WARS1: variants seen among roughly 807,000 people sequenced by gnomAD.
WARS1 encodes the protein tryptophan--tRNA ligase, cytoplasmic.
A neutral mutation model predicts 47.8 loss-of-function variants in WARS1; 17 were observed. That is an observed-to-expected ratio of 0.36 (90% CI 0.24 to 0.53). The LOEUF is 0.53. Among genes scored for constraint, WARS1 ranks in the 20% least tolerant of loss-of-function variants. The pLI is 0.91. For synonymous variants in WARS1, 208 were observed against 228.1 expected, an observed-to-expected ratio of 0.91 and a Z score of 0.79; for missense variants, 434 against 608.0, an observed-to-expected ratio of 0.71 and a Z score of 3.01.
At chr14:100,352,198 G>A (rs1489123770) in intron 6 of WARS1, among the ~76,000 whole-genome samples, 2 of 125,612 alleles carry the variant, frequency 1.6e-5, no homozygotes, top group African/African-American at 3.0e-5. Flanking sequence ...TGCAACCTCC[G>A]CCTCCCAGGT....
intron 7 of WARS1, among the ~76,000 whole-genome samples, chr14:100,344,746 G>A (rs1214865825): frequency 6.6e-6 from 1 of 151,740 alleles, no homozygotes; most frequent in Non-Finnish European, 1.5e-5. Context: ...CCCCGTCTGG[G>A]ATGTGAGGAG....
Position 100,334,712 on chromosome 14 carries a change from T to G in WARS1, c.*163A>C, listed in dbSNP as rs2139862430. On this transcript the variant is annotated 3_prime_UTR_variant, in exon 11 of 11. Coordinates refer to ENST00000392882, the MANE Select transcript of WARS1 (RefSeq NM_004184.4). ...CCATAAGAGATAGAAATAATGGAAC[T>G]CACAGGAAGAAACAGTATTGATAAC... is the stretch of plus-strand genomic sequence containing the variant. 2 of 722,148 alleles carry G rather than the reference T, an allele frequency of 2.8e-6. No homozygotes were observed. The highest frequency in any genetic ancestry group is 4.4e-6 in the Non-Finnish European group (2 of 456,496). 44.7% of individuals were successfully genotyped at this position (722,148 alleles called of 1,614,324 possible).
At chr14:100,375,363 A>T (rs7143006), upstream of WARS1, 30,424 of 152,186 alleles carry the variant, frequency 0.2, 3,209 homozygotes, top group Non-Finnish European at 0.22. Context: ...GCCCAGCCAG[A>T]AATGGTCTTT....
chr14:100,361,734 T>C lies in WARS1; in HGVS notation c.287A>G (p.Lys96Arg). Reference protein sequence around the residue: ...DPWTVQTSSAKGIDYDKLIVR... With the variant: ...DPWTVQTSSARGIDYDKLIVR... ...AATGAGCTTATCGTAGTCTATGCCTTTTGCACTGCTTGTCTGTACTGTCCA... is the reference window on the plus strand; with the variant it reads ...AATGAGCTTATCGTAGTCTATGCCTCTTGCACTGCTTGTCTGTACTGTCCA... Residue 96 changes from lysine to arginine, a missense_variant, in exon 3 of 11, where the codon AAA (lysine) becomes AGA (arginine). This residue lies in a region of WARS1 where 347 missense variants were observed against 523.8 expected (regional missense o/e 0.66). Coordinates refer to ENST00000392882, the MANE Select transcript of WARS1 (RefSeq NM_004184.4). 1 of 1,614,126 alleles carries C rather than the reference T, an allele frequency of 6.2e-7. No individual in the cohort carries two copies. Among genetic ancestry groups the C allele is most frequent in the Non-Finnish European group, 8.5e-7 (1 of 1,180,034 alleles).
Position 100,375,330 on chromosome 14 carries a change from AG to A in WARS1, c.-122del, listed in dbSNP as rs1896592837. Reference sequence around the variant, plus strand: ...GAGGTGGCCACTGGTCACGCTGGGCAGTTGAGCTGCTGAGAGTGCCCTGCCC... The same window carrying A: ...GAGGTGGCCACTGGTCACGCTGGGCATTGAGCTGCTGAGAGTGCCCTGCCC... On this transcript the variant is annotated 5_prime_UTR_variant, in exon 1 of 11. In the 5' UTR this introduces an upstream ATG that the reference lacks. Transcript: ENST00000392882. 1 of 152,276 alleles carries A rather than the reference AG, an allele frequency of 6.6e-6. No individual in the cohort carries two copies. Among genetic ancestry groups the A allele is most frequent in the Admixed American group, 6.5e-5 (1 of 15,292 alleles). 9.4% of individuals were successfully genotyped at this position (152,276 alleles called of 1,614,324 possible).
chr14:100,345,870 G>A (rs1279368814), intron 7 of WARS1, among the ~76,000 whole-genome samples: 2 of 152,252 alleles, frequency 1.3e-5, no homozygotes, highest in Non-Finnish European at 2.9e-5. Context: ...CCTTGGGTGA[G>A]CGCAGAGGTT....
chr14:100,361,786 C>G lies in WARS1; in HGVS notation c.235G>C (p.Glu79Gln), dbSNP rs1184798113. Residue 79 changes from glutamate (E) to glutamine (Q), a missense_variant, in exon 3 of 11, where the codon GAA (glutamate) becomes CAA (glutamine). By Grantham distance (29) the Glu-to-Gln change is conservative. This residue lies in a region of WARS1 where 347 missense variants were observed against 523.8 expected (regional missense o/e 0.66). Transcript: ENST00000392882. Reference sequence around the variant, plus strand: ...GGGTCCACAAAATCCTCTTCAGCTTCTGTGGCATCTGGGCCATGATTACTG... The same window carrying G: ...GGGTCCACAAAATCCTCTTCAGCTTGTGTGGCATCTGGGCCATGATTACTG... ...PTSNHGPDATEAEEDFVDPWT... is the reference protein window; with the variant it reads ...PTSNHGPDATQAEEDFVDPWT... 3 of 1,614,076 alleles carry G rather than the reference C, an allele frequency of 1.9e-6. No individual in the cohort carries two copies. The highest frequency in any genetic ancestry group is 2.5e-6 in the Non-Finnish European group (3 of 1,180,050).
chr14:100,346,740 T>C lies in WARS1; in HGVS notation c.826+6A>G, dbSNP rs941923. On this transcript the variant is annotated splice_donor_region_variant and intron_variant, in intron 7 of 10. Transcript: ENST00000392882. ...GAGTGGTCCACAGCAGCAGTGGGCC[T>C]CTTACCAATGCAGTCGCTGTCAGTG... The C allele has an allele frequency of 0.74, 1,191,755 of 1,610,750 alleles. 444,422 individuals carry two copies. The highest frequency in any genetic ancestry group is 0.84 in the Admixed American group (50,511 of 60,010).
chr14:100,342,286 G>A (rs1417788030), intron 9 of WARS1, 112 bp downstream of exon 9: 9 of 1,453,998 alleles, frequency 6.2e-6, no homozygotes, highest in Non-Finnish European at 8.5e-6. Flanking sequence ...GCATTGCTAC[G>A]GTGGCTGGGT....
intron 2 of WARS1, among the ~76,000 whole-genome samples, chr14:100,365,728 CT>C (rs5810993): frequency 0.64 from 90,436 of 141,734 alleles, 28,796 homozygotes; most frequent in East Asian, 0.78. Context: ...CAGAGATCTT[CT>C]TTTTTTTTTT....
chr14:100,364,771 T>G (rs1895854196), intron 2 of WARS1, among the ~76,000 whole-genome samples: 1 of 152,144 alleles, frequency 6.6e-6, no homozygotes, highest in African/African-American at 2.4e-5. Flanking sequence ...TTATTCAAAT[T>G]TAATATTAAA....
intron 1 of WARS1, among the ~76,000 whole-genome samples, chr14:100,371,739 CA>C (rs965371691): frequency 6.6e-6 from 1 of 151,616 alleles, no homozygotes; most frequent in African/African-American, 2.4e-5. Flanking sequence ...TGTCTCAAAA[CA>C]AAAAAAATTC....
In WARS1 at chr14:100,375,318, G is replaced by T. The variant is rs1413283026; in HGVS notation, c.-109C>A. Reference sequence around the variant, plus strand: ...GAAGACACTGCAGAGGTGGCCACTGGTCACGCTGGGCAGTTGAGCTGCTGA... The same window carrying T: ...GAAGACACTGCAGAGGTGGCCACTGTTCACGCTGGGCAGTTGAGCTGCTGA... On this transcript the variant is annotated 5_prime_UTR_variant, in exon 1 of 11. Coordinates refer to ENST00000392882, the MANE Select transcript of WARS1 (RefSeq NM_004184.4). 2.0e-5 allele frequency: 3 copies of T among 152,250 alleles called. No homozygotes were observed. Among genetic ancestry groups the T allele is most frequent in the African/African-American group, 7.2e-5 (3 of 41,440 alleles). 9.4% of individuals were successfully genotyped at this position (152,250 alleles called of 1,614,324 possible).
At chr14:100,360,249 G>A (rs941089753) in intron 4 of WARS1, among the ~76,000 whole-genome samples, 2 of 152,150 alleles carry the variant, frequency 1.3e-5, no homozygotes, top group Admixed American at 6.5e-5. Flanking sequence ...ATTCTCTTTT[G>A]TTTTCATGAC....
At chr14:100,368,018 C>T (rs1310100372) in intron 2 of WARS1, among the ~76,000 whole-genome samples, 1 of 152,078 alleles carries the variant, frequency 6.6e-6, no homozygotes, top group African/African-American at 2.4e-5. Context: ...GTGAAAGAAC[C>T]CCTTGGGTCG....
intron 2 of WARS1, among the ~76,000 whole-genome samples, chr14:100,365,010 T>A (rs895709842): frequency 1.3e-5 from 2 of 152,072 alleles, no homozygotes; most frequent in Non-Finnish European, 2.9e-5. Flanking sequence ...CTTGCATCTA[T>A]AATTCCAGCA....
intron 6 of WARS1, among the ~76,000 whole-genome samples, chr14:100,347,821 C>T (rs1186432315): frequency 6.6e-6 from 1 of 152,200 alleles, no homozygotes; most frequent in African/African-American, 2.4e-5. Flanking sequence ...AGGTGATCCA[C>T]CTGCCTTGGC....
chr14:100,340,652 T>C (rs1443035194), intron 9 of WARS1: 1 of 152,088 alleles, frequency 6.6e-6, no homozygotes, highest in Non-Finnish European at 1.5e-5. Context: ...CCTGAACCTG[T>C]TATTTTTAGG....
intron 6 of WARS1, among the ~76,000 whole-genome samples, chr14:100,348,984 G>A (rs967448475): frequency 6.6e-6 from 1 of 152,200 alleles, no homozygotes; most frequent in African/African-American, 2.4e-5. Flanking sequence ...CAGCTGGGAC[G>A]GACCCATCAC....
Sources: allele counts gnomAD v4.1 joint callset (sites outside exome capture counted in the v4.1 genomes callset), GRCh38; gene constraint gnomAD v4.1.1; regional missense constraint gnomAD v4.1.1; transcripts MANE v1.5; gene names NCBI Gene and HGNC (gene_info 2026-07-23, HGNC 2026-07-21).